The following KCNN2 variants were observed in gnomAD, a reference collection of about 807,000 sequenced individuals.
The protein encoded by KCNN2 is small conductance calcium-activated potassium channel protein 2.
KCNN2 carries 24 observed loss-of-function variants against 55.5 expected under a neutral mutation model. The ratio of observed to expected loss-of-function variants is 0.43; its 90% CI spans 0.31 to 0.61. The LOEUF is 0.61. Ranked by LOEUF, KCNN2 falls within the 20% of genes least tolerant of loss-of-function variation. KCNN2 has a pLI of 0.08. For missense variants in KCNN2, 754 were observed against 853.6 expected (o/e 0.88, Z 1.45); for synonymous variants, 431 against 336.1 (o/e 1.28, Z -3.09).
intron 1 of KCNN2, among the ~76,000 whole-genome samples, chr5:114,074,759 A>G (rs1486550871): frequency 1.3e-5 from 2 of 152,242 alleles, no homozygotes; most frequent in Non-Finnish European, 2.9e-5. Flanking sequence ...GCTTGAAGAC[A>G]TTGTCAGAAT....
chr5:114,065,098 G>GGTGTCACTTGTAGCGTCACCTCTACCA (rs1750418222), intron 1 of KCNN2, among the ~76,000 whole-genome samples: 1 of 152,154 alleles, frequency 6.6e-6, no homozygotes, highest in South Asian at 2.1e-4. Flanking sequence ...ACAAGTGAGT[G>GGTGTCACTTGTAGCGTCACCTCTACCA]GTGTCACTTG....
chr5:114,480,300 G>A (rs553595066), intron 5 of KCNN2, among the ~76,000 whole-genome samples: 54 of 151,984 alleles, frequency 3.6e-4, no homozygotes, highest in Middle Eastern at 3.4e-3. Context: ...ACCCTCCTAC[G>A]ACCGAACCAA....
intron 2 of KCNN2, among the ~76,000 whole-genome samples, chr5:114,292,735 A>T (rs1755922153): frequency 6.6e-6 from 1 of 152,210 alleles, no homozygotes; most frequent in Non-Finnish European, 1.5e-5. Flanking sequence ...GAAGAAAGTC[A>T]TTGATAGCTT....
At chr5:114,248,944 A>C (rs1754803272) in intron 2 of KCNN2, among the ~76,000 whole-genome samples, 1 of 152,224 alleles carries the variant, frequency 6.6e-6, no homozygotes, top group Non-Finnish European at 1.5e-5. Flanking sequence ...GTTGGCAATT[A>C]TGCCATGACA....
At position 114,366,381 on chromosome 5, in the gene KCNN2, A is replaced by C. The variant is rs1244370366; in HGVS notation, c.1218+2380A>C. Reference sequence around the variant, plus strand: ...ACCCACTATACTTAAGATAATTTCAAAATAGATGCTTGGGTCATGTCATTT... The same window carrying C: ...ACCCACTATACTTAAGATAATTTCACAATAGATGCTTGGGTCATGTCATTT... On this transcript the variant is annotated intron_variant, in intron 2 of 7. Transcript: ENST00000673685. 2.6e-5 allele frequency among the ~76,000 whole-genome samples: 4 copies of C among 152,202 alleles called. No homozygotes were observed. The East Asian group carries it at 7.7e-4, about 29-fold the overall frequency.
chr5:114,122,248 G>A (rs1289984634), intron 1 of KCNN2, among the ~76,000 whole-genome samples: 1 of 152,114 alleles, frequency 6.6e-6, no homozygotes, highest in East Asian at 1.9e-4. Flanking sequence ...AAGAGCCATG[G>A]CATTGTGAGT....
chr5:114,488,227 A>G (rs1580923843), intron 6 of KCNN2, among the ~76,000 whole-genome samples: 1 of 152,200 alleles, frequency 6.6e-6, no homozygotes, highest in East Asian at 1.9e-4. Context: ...ATTCTTCCAT[A>G]GAAATTAAAA....
chr5:114,159,098 C>A (rs1752706085), intron 1 of KCNN2, among the ~76,000 whole-genome samples: 1 of 152,130 alleles, frequency 6.6e-6, no homozygotes. Context: ...AAAGGGAATG[C>A]TTTCGGTTTT....
At chr5:114,453,263 C>G (rs903156298) in intron 3 of KCNN2, among the ~76,000 whole-genome samples, 1 of 152,228 alleles carries the variant, frequency 6.6e-6, no homozygotes, top group African/African-American at 2.4e-5. Flanking sequence ...TATGCCTGCT[C>G]AGTTCCTACT....
At chr5:114,481,725 G>C (rs1456226625) in intron 5 of KCNN2, among the ~76,000 whole-genome samples, 2 of 149,812 alleles carry the variant, frequency 1.3e-5, no homozygotes, top group South Asian at 2.1e-4. Flanking sequence ...CAGAAATGAA[G>C]TCCACACACC....
At chr5:114,342,269 T>C (rs935233293) in intron 2 of KCNN2, among the ~76,000 whole-genome samples, 3 of 152,036 alleles carry the variant, frequency 2.0e-5, no homozygotes, top group Non-Finnish European at 4.4e-5. Context: ...CTTACTCAAA[T>C]AGCATATTAA....
At chr5:114,300,570 T>G (rs1205979582) in intron 2 of KCNN2, among the ~76,000 whole-genome samples, 1 of 152,210 alleles carries the variant, frequency 6.6e-6, no homozygotes, top group Admixed American at 6.5e-5. Context: ...TGAGACCAGA[T>G]AATTCTTAAA....
At chr5:114,106,643 G>GTTTTTTTTTTTTTTTTTTT (rs149036166) in intron 1 of KCNN2, among the ~76,000 whole-genome samples, 1 of 69,932 alleles carries the variant, frequency 1.4e-5, no homozygotes, top group Non-Finnish European at 3.1e-5. Context: ...TTTTCCAGTT[G>GTTTTTTTTTTTTTTTTTTT]TTTTTTTTTT....
At chr5:114,455,682 G>T (rs996207261) in intron 3 of KCNN2, among the ~76,000 whole-genome samples, 2 of 152,230 alleles carry the variant, frequency 1.3e-5, no homozygotes, top group Non-Finnish European at 2.9e-5. Flanking sequence ...ATTTATCCAA[G>T]TTGTGAATGC....
At chr5:114,345,737 G>A (rs2150038279) in intron 2 of KCNN2, among the ~76,000 whole-genome samples, 2 of 152,232 alleles carry the variant, frequency 1.3e-5, no homozygotes, top group South Asian at 4.1e-4. Context: ...ATACAAGCAT[G>A]GCAGTAGCAT....
chr5:114,401,521 C>G (rs1438330636), intron 2 of KCNN2, among the ~76,000 whole-genome samples: 1 of 152,132 alleles, frequency 6.6e-6, no homozygotes, highest in Non-Finnish European at 1.5e-5. Context: ...TAGGTAGACA[C>G]GGAGTCTCAC....
At chr5:114,194,310 C>G (rs1753507578) in intron 1 of KCNN2, among the ~76,000 whole-genome samples, 1 of 152,016 alleles carries the variant, frequency 6.6e-6, no homozygotes, top group African/African-American at 2.4e-5. Context: ...ATTTTACATT[C>G]CCACCAGCAA....
intron 3 of KCNN2, among the ~76,000 whole-genome samples, chr5:114,440,863 A>G (rs1269694287): frequency 1.3e-5 from 2 of 152,128 alleles, no homozygotes; most frequent in Non-Finnish European, 2.9e-5. Flanking sequence ...ATTTGAACAC[A>G]ATGTGATAGC....
At chr5:114,482,650 G>T (rs182458071) in intron 5 of KCNN2, among the ~76,000 whole-genome samples, 1 of 152,108 alleles carries the variant, frequency 6.6e-6, no homozygotes, top group Non-Finnish European at 1.5e-5. Flanking sequence ...TAATAGACTG[G>T]ATAAAGAAAA....
Sources: allele counts gnomAD v4.1 joint callset (sites outside exome capture counted in the v4.1 genomes callset), GRCh38; gene constraint gnomAD v4.1.1; transcripts MANE v1.5; gene names NCBI Gene and HGNC (gene_info 2026-07-23, HGNC 2026-07-21).